The following COL4A3 variants were observed in gnomAD, a reference collection of about 807,000 sequenced individuals.
The protein encoded by COL4A3 is collagen type IV alpha 3 chain.
A neutral mutation model predicts 217.4 loss-of-function variants in COL4A3; 135 were observed. The ratio of observed to expected loss-of-function variants is 0.62; its 90% confidence interval spans 0.54 to 0.72. The LOEUF (loss-of-function observed/expected upper bound fraction) is 0.72. Among genes scored for constraint, COL4A3 ranks in the 30% least tolerant of loss-of-function variants. The pLI is 0.00. For synonymous variants in COL4A3, 690 were observed against 736.3 expected (o/e 0.94, Z 1.02); for missense variants, 1,868 against 2,119.9 (o/e 0.88, Z 2.33).
intron 43 of COL4A3, among the ~76,000 whole-genome samples, chr2:227,301,036 G>A (rs1399715407): frequency 6.6e-6 from 1 of 152,168 alleles, no homozygotes. Context: ...CAGGAGTCAG[G>A]TAACGGAGGT....
chr2:227,280,553 T>C lies in COL4A3; in HGVS notation c.2337T>C (p.Pro779=). The C allele has an allele frequency of 6.2e-7, 1 of 1,614,122 alleles. No homozygotes were observed. Among genetic ancestry groups the C allele is most frequent in the Non-Finnish European group, 8.5e-7 (1 of 1,180,006 alleles). Residue 779 remains proline, a synonymous_variant, in exon 30 of 52, where the codon CCT becomes CCC. Coordinates refer to ENST00000396578, the MANE Select transcript of COL4A3 (RefSeq NM_000091.5). Reference sequence around the variant, plus strand: ...GACTCCCTGGACTTCCAGGTCTCCCTGGAACTCCAGGAAATGAAGGGCTTG... The same window carrying C: ...GACTCCCTGGACTTCCAGGTCTCCCCGGAACTCCAGGAAATGAAGGGCTTG... The part of the protein sequence containing the change: ...EIGLPGLPGL[P]GTPGNEGLDG...
chr2:227,251,834 C>T (rs191646331), intron 11 of COL4A3, among the ~76,000 whole-genome samples: 1 of 152,010 alleles, frequency 6.6e-6, no homozygotes, highest in African/African-American at 2.4e-5. Flanking sequence ...TTTGGGAGGC[C>T]AAGGTGGGTG....
chr2:227,256,142 A>G, intron 16 of COL4A3, 72 bp downstream of exon 16: 1 of 1,453,922 alleles, frequency 6.9e-7, no homozygotes, highest in Admixed American at 1.7e-5. Flanking sequence ...ATTTTTTAAA[A>G]TCACTAAATA....
chr2:227,252,212 C>CTTT (rs72162625), intron 11 of COL4A3, among the ~76,000 whole-genome samples: 22 of 82,772 alleles, frequency 2.7e-4, no homozygotes, highest in East Asian at 3.7e-4. Flanking sequence ...TTCTTTCTTT[C>CTTT]TTTTTTTTTT....
intron 1 of COL4A3, among the ~76,000 whole-genome samples, chr2:227,217,530 G>T (rs944024695): frequency 6.6e-6 from 1 of 152,162 alleles, no homozygotes; most frequent in African/African-American, 2.4e-5. Context: ...ACAGTTTATA[G>T]GTTTGGGCTA....
chr2:227,182,279 C>A (rs993776284), intron 1 of COL4A3, among the ~76,000 whole-genome samples: 1 of 152,200 alleles, frequency 6.6e-6, no homozygotes, highest in Admixed American at 6.5e-5. Context: ...CACTTCTGTG[C>A]CCCTCCACCC....
chr2:227,303,022 T>A lies in COL4A3; in HGVS notation c.3883-16T>A, dbSNP rs758905950. On this transcript the variant is annotated splice_polypyrimidine_tract_variant and intron_variant, in intron 43 of 51. Transcript: ENST00000396578. Reference sequence around the variant, plus strand: ...AAAAATTTGTTTTGGTTCTGCTCCCTTTATTTGAAATATAGGGAGCACCAG... The same window carrying A: ...AAAAATTTGTTTTGGTTCTGCTCCCATTATTTGAAATATAGGGAGCACCAG... 3.8e-6 allele frequency: 6 copies of A among 1,599,930 alleles called. No homozygotes were observed.
At position 227,203,473 on chromosome 2, in the gene COL4A3, G is replaced by A. The variant is rs537711170; in HGVS notation, c.88-34495G>A. Among the ~76,000 whole-genome samples, 76 of 36,520 alleles carry A rather than the reference G, an allele frequency of 2.1e-3. 34 individuals carry two copies. Among genetic ancestry groups the A allele is most frequent in the Middle Eastern group, 0.036 (2 of 56 alleles). The allele number at this position is 36,520 out of a possible 152,430, so 24.0% of individuals were successfully genotyped here. ...TACATACATATATGTGTGTATATAT[G>A]TGTATACATATGTGTGTATATGTGT... is the stretch of plus-strand genomic sequence containing the variant. On this transcript the variant is annotated intron_variant, in intron 1 of 51. Coordinates refer to ENST00000396578, the MANE Select transcript of COL4A3 (RefSeq NM_000091.5).
chr2:227,274,124 C>G (rs1238694544), intron 26 of COL4A3, among the ~76,000 whole-genome samples: 1 of 152,048 alleles, frequency 6.6e-6, no homozygotes, highest in East Asian at 1.9e-4. Flanking sequence ...ACAGTCCCAG[C>G]TACTTGGAAG....
At chr2:227,185,709 A>T (rs1004539147) in intron 1 of COL4A3, among the ~76,000 whole-genome samples, 1 of 152,232 alleles carries the variant, frequency 6.6e-6, no homozygotes, top group Non-Finnish European at 1.5e-5. Context: ...ACTGAAATTC[A>T]GAAGGAAAGC....
intron 26 of COL4A3, among the ~76,000 whole-genome samples, chr2:227,274,342 C>T (rs1335490665): frequency 1.3e-5 from 2 of 152,042 alleles, no homozygotes; most frequent in Non-Finnish European, 2.9e-5. Context: ...CTTCCCTCAT[C>T]AGTAAAACTT....
chr2:227,258,981 T>C (rs1457147961), intron 18 of COL4A3, among the ~76,000 whole-genome samples: 2 of 151,892 alleles, frequency 1.3e-5, no homozygotes, highest in Non-Finnish European at 2.9e-5. Context: ...AATTGATCCA[T>C]CTAGCATATG....
intron 1 of COL4A3, among the ~76,000 whole-genome samples, chr2:227,181,647 G>C (rs1446082545): frequency 2.6e-5 from 4 of 152,278 alleles, no homozygotes; most frequent in African/African-American, 9.6e-5. Context: ...TATGGCATAT[G>C]GTATTACGTA....
chr2:227,277,316 C>G, intron 27 of COL4A3, 133 bp from the exon 28 acceptor site: 1 of 588,078 alleles, frequency 1.7e-6, no homozygotes, highest in Non-Finnish European at 2.8e-6. Context: ...GAAACTCCAT[C>G]AACAGGAAAA....
At position 227,284,289 on chromosome 2, in the gene COL4A3, C is replaced by G. The variant is rs947902380; in HGVS notation, c.2825C>G (p.Pro942Arg). The G allele has an allele frequency of 6.2e-7, 1 of 1,613,948 alleles. No individual in the cohort carries two copies. The highest frequency in any genetic ancestry group is 1.3e-5 in the African/African-American group (1 of 74,890). Residue 942 changes from proline to arginine, a missense_variant, in exon 34 of 52, where the codon CCC becomes CGC. Physicochemically the swap from Pro to Arg is moderately radical, Grantham distance 103 (BLOSUM62 -2). This residue lies in a region of COL4A3 where 1,503 missense variants were observed against 1,786.1 expected (regional missense o/e 0.84). Transcript: ENST00000396578. ...GGGGAACAAGGAGATAAAGGAAATCCCGGGCCTTCAGAGATATCCCACGTA... is the reference window on the plus strand; with the variant it reads ...GGGGAACAAGGAGATAAAGGAAATCGCGGGCCTTCAGAGATATCCCACGTA... The part of the protein sequence containing the change: ...AKGEQGDKGN[P>R]GPSEISHVIG...
At chr2:227,276,306 T>C in intron 26 of COL4A3, 79 bp from the exon 27 acceptor site, 4 of 1,078,506 alleles carry the variant, frequency 3.7e-6, no homozygotes, top group Non-Finnish European at 4.3e-6. Context: ...TTATAAACCC[T>C]TTATAATCGT....
At chr2:227,294,248 C>T (rs753547680) in intron 38 of COL4A3, 1 of 505,966 alleles carries the variant, frequency 2.0e-6, no homozygotes, top group African/African-American at 1.9e-5. Flanking sequence ...AATAAAATCG[C>T]ATATTGAGTG....
chr2:227,274,271 A>AAATAAATAAATAAATT (rs1397286605), intron 26 of COL4A3, among the ~76,000 whole-genome samples: 12 of 148,752 alleles, frequency 8.1e-5, no homozygotes, highest in East Asian at 3.9e-4. Flanking sequence ...ATAAATAAAT[A>AAATAAATAAATAAATT]AATTTTAAAA....
intron 3 of COL4A3, among the ~76,000 whole-genome samples, chr2:227,242,991 T>G (rs1325090625): frequency 6.6e-6 from 1 of 152,360 alleles, no homozygotes; most frequent in Non-Finnish European, 1.5e-5. Context: ...CTCTAAGGCA[T>G]GGACCCAGGT....
Sources: allele counts gnomAD v4.1 joint callset (sites outside exome capture counted in the v4.1 genomes callset), GRCh38; gene constraint gnomAD v4.1.1; regional missense constraint gnomAD v4.1.1; transcripts MANE v1.5; gene names NCBI Gene and HGNC (gene_info 2026-07-23, HGNC 2026-07-21).